ABCC6: variants seen among roughly 807,000 people sequenced by gnomAD.
ABCC6 encodes the protein ATP binding cassette subfamily C member 6, also known as ATP-binding cassette sub-family C member 6.
ABCC6 carries 126 observed loss-of-function variants against 169.5 expected under a neutral mutation model. That is an observed-to-expected ratio of 0.74 (90% CI 0.64 to 0.86). ABCC6 has a LOEUF of 0.86. Ranked by LOEUF, ABCC6 falls within the 40% of genes least tolerant of loss-of-function variation. ABCC6 has a pLI of 0.00. For missense variants in ABCC6, 1,733 were observed against 1,927.2 expected (o/e 0.90, Z 1.89); for synonymous variants, 752 against 814.7 (o/e 0.92, Z 1.31).
chr16:16,187,272 G>C, intron 13 of ABCC6, 61 bp from the exon 14 acceptor site: 4 of 1,406,112 alleles, frequency 2.8e-6, no homozygotes, highest in Non-Finnish European at 4.0e-6. Context: ...GGTTTTGGGT[G>C]TCGGTGTCTC....
In ABCC6 at chr16:16,184,986, G is replaced by A; in HGVS notation, c.1916C>T (p.Ser639Phe). 1 of 1,613,824 alleles carries A rather than the reference G, an allele frequency of 6.2e-7. No individual in the cohort carries two copies. The highest frequency in any genetic ancestry group is 8.5e-7 in the Non-Finnish European group (1 of 1,179,752). ...ITIHSATFAW[S>F]QESPPCLHRI... ...GTGGAGGCAGGGAGGGCTTTCCTGG[G>A]ACCAGGCGAAGGTGGCACTGTGTAT... The change falls in exon 15 of 31, where the codon TCC becomes TTC. Residue 639 changes from serine (S) to phenylalanine (F), a missense_variant. Physicochemically the swap from Ser to Phe is radical, Grantham distance 155 (BLOSUM62 -2). Transcript: ENST00000205557.
At chr16:16,209,358 A>G (rs2048515086) in intron 6 of ABCC6, among the ~76,000 whole-genome samples, 1 of 152,214 alleles carries the variant, frequency 6.6e-6, no homozygotes, top group African/African-American at 2.4e-5. Flanking sequence ...TGCTGGGATT[A>G]CAGGCATGAG....
At chr16:16,215,670 T>C (rs2152297027) in intron 4 of ABCC6, among the ~76,000 whole-genome samples, 1 of 151,856 alleles carries the variant, frequency 6.6e-6, no homozygotes, top group Middle Eastern at 3.4e-3. Flanking sequence ...GATGGAGTTT[T>C]ACCATGTAGG....
At chr16:16,186,093 C>T (rs1340841191) in intron 14 of ABCC6, among the ~76,000 whole-genome samples, 4 of 152,130 alleles carry the variant, frequency 2.6e-5, no homozygotes, top group African/African-American at 7.2e-5. Flanking sequence ...ATGCCACAGG[C>T]TCGGCTTCTT....
At chr16:16,170,352 G>A (rs962106500) in intron 21 of ABCC6, among the ~76,000 whole-genome samples, 1 of 151,790 alleles carries the variant, frequency 6.6e-6, no homozygotes, top group Admixed American at 6.6e-5. Flanking sequence ...CTCCCTCCTC[G>A]GCCTTCCAAA....
rs138991160 is a variant in ABCC6 at position 16,191,265 on chromosome 16, G to A, written c.1432-898C>T. Among the ~76,000 whole-genome samples the A allele has an allele frequency of 5.2e-3, 787 of 152,194 alleles. 7 individuals are homozygous for A. The highest frequency in any genetic ancestry group is 0.018 in the African/African-American group (744 of 41,524). ...CGAGTAGCTGGGATTACAGGCGCCCGCCACCACGCCCGGCTAAATTTTGTA... is the reference window on the plus strand; with the variant it reads ...CGAGTAGCTGGGATTACAGGCGCCCACCACCACGCCCGGCTAAATTTTGTA... On this transcript the variant is annotated intron_variant, in intron 11 of 30. Transcript: ENST00000205557.
At chr16:16,208,995 A>G (rs1299269397) in intron 6 of ABCC6, 136 bp from the exon 7 acceptor site, 1 of 854,090 alleles carries the variant, frequency 1.2e-6, no homozygotes, top group Non-Finnish European at 1.8e-6. Context: ...GTAAAAAGAA[A>G]GCAATTCACT....
At position 16,202,859 on chromosome 16, in the gene ABCC6, AAC is replaced by A. The variant is rs547700137; in HGVS notation, c.998+549_998+550del. Among the ~76,000 whole-genome samples, 502 of 152,350 alleles carry A rather than the reference AAC, an allele frequency of 3.3e-3. 5 individuals are homozygous for A. Among genetic ancestry groups the A allele is most frequent in the Non-Finnish European group, 5.7e-3 (387 of 68,022 alleles). ...GCTGGCTACAAAACCGGCTTTGGCC[AAC>A]AGAGTACAGTGGAGGTAAAGCCATG... is the stretch of plus-strand genomic sequence containing the variant. On this transcript the variant is annotated intron_variant, in intron 8 of 30. Transcript: ENST00000205557.
At chr16:16,165,459 T>A in intron 23 of ABCC6, among the ~76,000 whole-genome samples, 164 bp downstream of exon 23, 1 of 152,008 alleles carries the variant, frequency 6.6e-6, no homozygotes, top group Non-Finnish European at 1.5e-5. Context: ...CAGACACTAG[T>A]GGAGATACCA....
Position 16,154,638 on chromosome 16 carries a change from C to G in ABCC6, c.4198G>C (p.Glu1400Gln). The change falls in exon 29 of 31, where the codon GAG (glutamate) becomes CAG (glutamine). Residue 1400 changes from glutamate to glutamine, a missense_variant. Physicochemically the swap from Glu to Gln is conservative, Grantham distance 29. Coordinates refer to ENST00000205557, the MANE Select transcript of ABCC6 (RefSeq NM_001171.6). ...QLQYKCADRG[E>Q]DLSVGQKQLL... ...GTGGGACGACCATACCTCAGGTCCT[C>G]GCCTCGGTCAGCACACTTGTACTGC... 1 of 1,612,260 alleles carries G rather than the reference C, an allele frequency of 6.2e-7. No homozygotes were observed. The highest frequency in any genetic ancestry group is 8.5e-7 in the Non-Finnish European group (1 of 1,179,982).
Position 16,202,073 on chromosome 16 carries a change from C to T in ABCC6, c.1104G>A (p.Gln368=). The T allele has an allele frequency of 6.2e-7, 1 of 1,614,020 alleles. No homozygotes were observed. The change falls in exon 9 of 31, where the codon CAG becomes CAA. Residue 368 remains glutamine (Q), a synonymous_variant. Coordinates refer to ENST00000205557, the MANE Select transcript of ABCC6 (RefSeq NM_001171.6). ...LSACLQTLFE[Q]QNMYRLKVLQ... is the part of the protein sequence containing the mutation. Reference sequence around the variant, plus strand: ...GCACCTTGAGCCTGTACATGTTCTGCTGCTCAAACAGCGTTTGCAGGCAGG... The same window carrying T: ...GCACCTTGAGCCTGTACATGTTCTGTTGCTCAAACAGCGTTTGCAGGCAGG...
At chr16:16,151,268 GT>G (rs1567461280) in intron 29 of ABCC6, among the ~76,000 whole-genome samples, 28 of 152,012 alleles carry the variant, frequency 1.8e-4, no homozygotes, top group Non-Finnish European at 3.7e-4. Context: ...CACCATGTTG[GT>G]CCGACTTGTT....
chr16:16,160,213 A>G (rs568716819), intron 25 of ABCC6, among the ~76,000 whole-genome samples: 2 of 152,292 alleles, frequency 1.3e-5, no homozygotes, highest in African/African-American at 4.8e-5. Flanking sequence ...ATGCAGTAGG[A>G]AAGTTCCCTC....
intron 29 of ABCC6, among the ~76,000 whole-genome samples, chr16:16,153,234 T>C (rs570193363): frequency 1.3e-5 from 2 of 152,276 alleles, no homozygotes; most frequent in South Asian, 2.1e-4. Flanking sequence ...CATATACCTA[T>C]ACACCTATGT....
At chr16:16,168,727 C>T (rs796829055) in intron 22 of ABCC6, among the ~76,000 whole-genome samples, 7 of 152,162 alleles carry the variant, frequency 4.6e-5, no homozygotes, top group East Asian at 1.9e-4. Flanking sequence ...ACAGGGGATA[C>T]GACTGCACAG....
At chr16:16,190,867 G>C (rs1337830177) in intron 11 of ABCC6, among the ~76,000 whole-genome samples, 6 of 135,898 alleles carry the variant, frequency 4.4e-5, no homozygotes, top group Non-Finnish European at 9.5e-5. Context: ...AGAGGATGGG[G>C]GGATGGAGCT....
At chr16:16,182,298 A>G (rs2047502070) in intron 17 of ABCC6, 114 bp downstream of exon 17, 21 of 1,380,808 alleles carry the variant, frequency 1.5e-5, no homozygotes, top group Non-Finnish European at 2.1e-5. Context: ...TTTCTCCGCT[A>G]CTTCCCTAAC....
chr16:16,160,093 T>C (rs2046668106), intron 25 of ABCC6, among the ~76,000 whole-genome samples: 1 of 152,118 alleles, frequency 6.6e-6, no homozygotes, highest in Non-Finnish European at 1.5e-5. Context: ...ACACCCGTCT[T>C]CTTGCTGTTC....
chr16:16,216,289 A>G (rs969027056), intron 4 of ABCC6, among the ~76,000 whole-genome samples: 4 of 151,990 alleles, frequency 2.6e-5, no homozygotes, highest in East Asian at 1.9e-4. Context: ...GTGCTATCAA[A>G]TAGATATTAT....
Sources: gnomAD v4.1 joint callset for allele counts (sites outside exome capture counted in the v4.1 genomes callset) on GRCh38, gnomAD v4.1.1 for gene constraint, MANE v1.5 for transcripts, NCBI Gene and HGNC (gene_info 2026-07-23, HGNC 2026-07-21) for gene names.